ELMO1: variants seen among roughly 807,000 people sequenced by gnomAD.
The protein encoded by ELMO1 is engulfment and cell motility protein 1.
A neutral mutation model predicts 98.9 loss-of-function variants in ELMO1; 26 were observed. The observed-to-expected ratio is 0.26, with a 90% CI of 0.19 to 0.36. The LOEUF is 0.36. ELMO1 is among the 10% of genes least tolerant of loss of function. The pLI is 1.00. For synonymous variants in ELMO1, 346 were observed against 346.0 expected (o/e 1.00, Z 0.00); for missense variants, 627 against 935.2 (o/e 0.67, Z 4.30).
At chr7:37,195,529 C>T (rs1043551637) in intron 13 of ELMO1, among the ~76,000 whole-genome samples, 1 of 152,256 alleles carries the variant, frequency 6.6e-6, no homozygotes, top group Non-Finnish European at 1.5e-5. Flanking sequence ...CTGTCTCACA[C>T]CTTGGATGCC....
chr7:37,162,448 GAAGT>G (rs1789290254), intron 13 of ELMO1, among the ~76,000 whole-genome samples: 1 of 152,202 alleles, frequency 6.6e-6, no homozygotes, highest in African/African-American at 2.4e-5. Flanking sequence ...GTCACTTGAT[GAAGT>G]CTAAGTCATG....
At chr7:36,923,402 G>C (rs964540201) in intron 16 of ELMO1, among the ~76,000 whole-genome samples, 3 of 152,172 alleles carry the variant, frequency 2.0e-5, no homozygotes, top group Non-Finnish European at 4.4e-5. Context: ...TAAGAAAACA[G>C]TTCCAAGGAA....
intron 16 of ELMO1, chr7:36,985,805 C>T (rs1791457060): frequency 1.6e-6 from 1 of 639,290 alleles, no homozygotes; most frequent in Non-Finnish European, 2.0e-6. Context: ...CCCTTGAATG[C>T]CCGCTCCTCC....
chr7:37,021,111 G>A (rs1024952544), intron 15 of ELMO1, among the ~76,000 whole-genome samples: 4 of 152,152 alleles, frequency 2.6e-5, no homozygotes, highest in African/African-American at 9.7e-5. Context: ...ATTTTGGAAG[G>A]TGGTACTGCG....
At chr7:37,324,464 A>G (rs1799689869) in intron 2 of ELMO1, among the ~76,000 whole-genome samples, 1 of 152,170 alleles carries the variant, frequency 6.6e-6, no homozygotes, top group Non-Finnish European at 1.5e-5. Context: ...TGACATGGGG[A>G]AAATGTTCAT....
At chr7:37,417,658 C>CAT in intron 1 of ELMO1, among the ~76,000 whole-genome samples, 1 of 105,528 alleles carries the variant, frequency 9.5e-6, no homozygotes, top group South Asian at 3.6e-4. Flanking sequence ...AGTAAGACTC[C>CAT]GTCACACACA....
intron 7 of ELMO1, among the ~76,000 whole-genome samples, chr7:37,234,605 T>C (rs1584851016): frequency 3.3e-5 from 5 of 152,136 alleles, no homozygotes; most frequent in Admixed American, 3.3e-4. Context: ...ACAGCAGGGG[T>C]TCTCCCTTCA....
At chr7:37,200,793 C>T (rs1000426530) in intron 13 of ELMO1, among the ~76,000 whole-genome samples, 4 of 152,054 alleles carry the variant, frequency 2.6e-5, no homozygotes, top group Non-Finnish European at 5.9e-5. Context: ...TGGTGAAATG[C>T]TGTCTCTACC....
chr7:36,971,277 G>T (rs1287894870), intron 16 of ELMO1, among the ~76,000 whole-genome samples: 3 of 152,200 alleles, frequency 2.0e-5, no homozygotes, highest in Non-Finnish European at 1.5e-5. Flanking sequence ...GCGAGAGAAA[G>T]TTTTGGCAGG....
chr7:37,365,090 C>T (rs1329374195), intron 1 of ELMO1, among the ~76,000 whole-genome samples: 1 of 152,116 alleles, frequency 6.6e-6, no homozygotes, highest in East Asian at 1.9e-4. Flanking sequence ...CTGTCCATTC[C>T]CACCGAATGG....
intron 20 of ELMO1, among the ~76,000 whole-genome samples, chr7:36,862,511 T>C (rs1039679447): frequency 6.6e-6 from 1 of 152,274 alleles, no homozygotes; most frequent in Non-Finnish European, 1.5e-5. Context: ...CTCAGTGCCA[T>C]GTCTAATATG....
chr7:37,114,179 A>G (rs1282860108), intron 14 of ELMO1, among the ~76,000 whole-genome samples: 1 of 152,214 alleles, frequency 6.6e-6, no homozygotes, highest in Non-Finnish European at 1.5e-5. Flanking sequence ...TACTGGAAGA[A>G]TCACTATGGC....
At chr7:37,088,864 G>C (rs1783919909) in intron 15 of ELMO1, among the ~76,000 whole-genome samples, 1 of 152,132 alleles carries the variant, frequency 6.6e-6, no homozygotes, top group African/African-American at 2.4e-5. Context: ...TTAGGCTTTA[G>C]AACATTTGTT....
intron 13 of ELMO1, among the ~76,000 whole-genome samples, chr7:37,200,747 C>G (rs1252350392): frequency 6.6e-6 from 1 of 152,084 alleles, no homozygotes; most frequent in East Asian, 1.9e-4. Flanking sequence ...GGGTGGGTCG[C>G]TTGAGCTCAA....
At chr7:36,949,324 A>G (rs1787774749) in intron 16 of ELMO1, among the ~76,000 whole-genome samples, 1 of 152,166 alleles carries the variant, frequency 6.6e-6, no homozygotes, top group Non-Finnish European at 1.5e-5. Flanking sequence ...CTTGGCCACA[A>G]ATGGAGGATA....
intron 1 of ELMO1, among the ~76,000 whole-genome samples, chr7:37,436,300 T>C (rs1805140931): frequency 6.6e-6 from 1 of 152,216 alleles, no homozygotes; most frequent in Non-Finnish European, 1.5e-5. Context: ...GCGGACACTG[T>C]AGTTGCTGAA....
At chr7:37,163,345 T>TGTC (rs58331527) in intron 13 of ELMO1, among the ~76,000 whole-genome samples, 1 of 144,924 alleles carries the variant, frequency 6.9e-6, no homozygotes, top group Admixed American at 7.0e-5. Flanking sequence ...TTCTTTTTTT[T>TGTC]TTTTTTTATT....
intron 16 of ELMO1, among the ~76,000 whole-genome samples, chr7:36,900,202 A>G (rs908154693): frequency 2.0e-5 from 3 of 152,056 alleles, no homozygotes; most frequent in African/African-American, 7.2e-5. Flanking sequence ...AATATCCAGC[A>G]CCCCTTCTGA....
chr7:37,343,203 GT>G (rs1800810910), intron 1 of ELMO1: 1 of 153,920 alleles, frequency 6.5e-6, no homozygotes, highest in Non-Finnish European at 1.4e-5. Context: ...TCTTTAAAGT[GT>G]TTTCTGTGTG....
Sources: gnomAD v4.1 joint callset for allele counts (sites outside exome capture counted in the v4.1 genomes callset) on GRCh38, gnomAD v4.1.1 for gene constraint, MANE v1.5 for transcripts, NCBI Gene and HGNC (gene_info 2026-07-23, HGNC 2026-07-21) for gene names.